The following SASH1 variants were observed in gnomAD, a reference collection of about 807,000 sequenced individuals.
The protein encoded by SASH1 is SAM and SH3 domain containing 1.
In SASH1, 44 loss-of-function variants were observed where a neutral mutation model predicts 125.2. The observed-to-expected ratio is 0.35, with a 90% CI of 0.28 to 0.45. The LOEUF is 0.45. Ranked by LOEUF, SASH1 falls within the 20% of genes least tolerant of loss-of-function variation. The pLI is 1.00. For missense variants in SASH1, 1,426 were observed against 1,614.5 expected (o/e 0.88, Z 2.00); for synonymous variants, 639 against 649.1 (o/e 0.98, Z 0.24).
the SASH1 span, among the ~76,000 whole-genome samples, chr6:148,201,556 C>T: frequency 6.6e-6 from 1 of 152,192 alleles, no homozygotes; most frequent in Non-Finnish European, 1.5e-5. Context: ...AATGCCGATA[C>T]TGCTGATCTC....
At chr6:148,216,540 T>C in the SASH1 span, among the ~76,000 whole-genome samples, 1 of 152,152 alleles carries the variant, frequency 6.6e-6, no homozygotes, top group Non-Finnish European at 1.5e-5. Context: ...TCAGGACATG[T>C]GGGTTCTAAC....
chr6:148,362,212 C>T (rs560105961), intron 1 of SASH1, among the ~76,000 whole-genome samples: 2 of 149,830 alleles, frequency 1.3e-5, no homozygotes, highest in Non-Finnish European at 3.0e-5. Flanking sequence ...CAGGCGTGAG[C>T]CACCGTGCCT....
the SASH1 span, among the ~76,000 whole-genome samples, chr6:148,214,506 G>A: frequency 1.3e-5 from 2 of 152,138 alleles, no homozygotes; most frequent in African/African-American, 4.8e-5. Context: ...GGAGCTTCAA[G>A]TATTAATTGA....
Position 148,343,212 on chromosome 6 carries a change from A to T in SASH1, c.145A>T (p.Met49Leu), listed in dbSNP as rs773218848. Reference sequence around the variant, plus strand: ...GTTCTCCCGACTCTGGACCGACGTGATGGGTATCCTGGTAAGTTACCTGGG... The same window carrying T: ...GTTCTCCCGACTCTGGACCGACGTGTTGGGTATCCTGGTAAGTTACCTGGG... ...EAFSRLWTDV[M>L]GILDGSLGNI... is the part of the protein sequence containing the mutation. Residue 49 changes from methionine (M) to leucine (L), a missense_variant, in exon 1 of 20, where the codon ATG (methionine) becomes TTG (leucine). Met to Leu is a conservative substitution (Grantham distance 15). This residue lies in a region of SASH1 where 567 missense variants were observed against 575.6 expected (regional missense o/e 0.99). Coordinates refer to ENST00000367467, the MANE Select transcript of SASH1 (RefSeq NM_015278.5). 1 of 1,590,490 alleles carries T rather than the reference A, an allele frequency of 6.3e-7. No homozygotes were observed. Among genetic ancestry groups the T allele is most frequent in the East Asian group, 2.3e-5 (1 of 44,028 alleles).
intron 2 of SASH1, among the ~76,000 whole-genome samples, chr6:148,430,998 C>T (rs190231278): frequency 6.6e-6 from 1 of 152,314 alleles, no homozygotes; most frequent in Non-Finnish European, 1.5e-5. Context: ...AAAGGTTACA[C>T]TACAGCAGGG....
the SASH1 span, among the ~76,000 whole-genome samples, chr6:148,216,648 A>G: frequency 1.3e-5 from 2 of 152,170 alleles, no homozygotes; most frequent in East Asian, 1.9e-4. Context: ...AGTGTCCCAC[A>G]GTGCAGGGAA....
intron 10 of SASH1, chr6:148,524,323 G>A (rs1439557162): frequency 5.3e-5 from 8 of 151,244 alleles, no homozygotes; most frequent in African/African-American, 1.7e-4. Context: ...ATTGAAGCCC[G>A]AATCTACAAT....
At chr6:148,507,117 C>T (rs12663264) in intron 8 of SASH1, among the ~76,000 whole-genome samples, 10,119 of 151,642 alleles carry the variant, frequency 0.067, 911 homozygotes, top group East Asian at 0.47. Flanking sequence ...TGAACCCTTG[C>T]AGGAGAAAGA....
chr6:148,427,470 C>G (rs980245788), intron 2 of SASH1, among the ~76,000 whole-genome samples: 2 of 152,212 alleles, frequency 1.3e-5, no homozygotes, highest in African/African-American at 4.8e-5. Context: ...TAACACAACA[C>G]TCACATCTTA....
chr6:148,397,314 C>G (rs1345369112), intron 2 of SASH1, among the ~76,000 whole-genome samples: 2 of 152,066 alleles, frequency 1.3e-5, no homozygotes, highest in Admixed American at 1.3e-4. Context: ...AACCCCATCT[C>G]TACTAAAAAT....
At chr6:148,446,422 A>G (rs1776798389) in intron 4 of SASH1, among the ~76,000 whole-genome samples, 1 of 151,990 alleles carries the variant, frequency 6.6e-6, no homozygotes, top group Non-Finnish European at 1.5e-5. Flanking sequence ...TTCTTTTCTT[A>G]AGGAAAGAGG....
Position 148,533,586 on chromosome 6 carries a change from T to A in SASH1, c.1735-185T>A, listed in dbSNP as rs1781652392. On this transcript the variant is annotated intron_variant, in intron 14 of 19. Coordinates refer to ENST00000367467, the MANE Select transcript of SASH1 (RefSeq NM_015278.5). This position sits in a 1 kb window ranked among gnomAD's most constrained non-coding sequence, Gnocchi z 6.2. ...GGAATTCCGTACAGTCAGAGACACCTGTCTGGCCTCTGCGGAGCTCACAGT... is the reference window on the plus strand; with the variant it reads ...GGAATTCCGTACAGTCAGAGACACCAGTCTGGCCTCTGCGGAGCTCACAGT... Among the ~76,000 whole-genome samples the A allele has an allele frequency of 6.6e-6, 1 of 152,140 alleles. No individual in the cohort carries two copies. The highest frequency in any genetic ancestry group is 1.5e-5 in the Non-Finnish European group (1 of 68,016).
At chr6:148,448,432 G>T (rs1452104708) in intron 4 of SASH1, among the ~76,000 whole-genome samples, 2 of 152,062 alleles carry the variant, frequency 1.3e-5, no homozygotes, top group African/African-American at 4.8e-5. Flanking sequence ...GAGGTCAGTG[G>T]CTTCATAGGA....
At chr6:148,287,504 G>T (rs1305273221) in intron 1 of SASH1, among the ~76,000 whole-genome samples, 1 of 152,116 alleles carries the variant, frequency 6.6e-6, no homozygotes, top group Non-Finnish European at 1.5e-5. Context: ...ATCCATCAGA[G>T]ATGGCAACTT....
intron 2 of SASH1, among the ~76,000 whole-genome samples, chr6:148,391,754 G>T (rs530204563): frequency 6.6e-6 from 1 of 152,136 alleles, no homozygotes; most frequent in African/African-American, 2.4e-5. Flanking sequence ...TCATAAAAGC[G>T]TCTGCATTTC....
At chr6:148,521,619 T>G (rs1052872105) in intron 10 of SASH1, among the ~76,000 whole-genome samples, 1 of 152,256 alleles carries the variant, frequency 6.6e-6, no homozygotes, top group Non-Finnish European at 1.5e-5. Context: ...GAACTTTTCT[T>G]CTGGCTCTTT....
rs756740212 is a variant in SASH1, at chr6:148,343,131, G to A, written c.64G>A (p.Glu22Lys). 1 of 1,596,518 alleles carries A rather than the reference G, an allele frequency of 6.3e-7. No homozygotes were observed. The highest frequency in any genetic ancestry group is 1.1e-5 in the South Asian group (1 of 90,620). The change falls in exon 1 of 20, where the codon GAG becomes AAG. Residue 22 changes from glutamate to lysine, a missense_variant. Physicochemically the swap from Glu to Lys is moderately conservative, Grantham distance 56. Transcript: ENST00000367467. Reference protein sequence around the residue: ...EPEPEPEPEPEPAPEPEPEPK... With the variant: ...EPEPEPEPEPKPAPEPEPEPK... ...TGAGCCCGAGCCCGAGCCGGAGCCC[G>A]AGCCCGCGCCGGAGCCGGAACCGGA...
intron 9 of SASH1, among the ~76,000 whole-genome samples, chr6:148,516,063 A>G (rs1780418945): frequency 6.6e-6 from 1 of 152,244 alleles, no homozygotes; most frequent in Non-Finnish European, 1.5e-5. Context: ...CAATCCAACT[A>G]TCTTTGAGAG....
At chr6:148,347,526 T>TC (rs1349968049) in intron 1 of SASH1, among the ~76,000 whole-genome samples, 1 of 152,128 alleles carries the variant, frequency 6.6e-6, no homozygotes, top group Admixed American at 6.5e-5. Context: ...ACAAAATGTC[T>TC]CCCTCTTTTC....
Sources: allele counts gnomAD v4.1 joint callset (sites outside exome capture counted in the v4.1 genomes callset), GRCh38; gene constraint gnomAD v4.1.1; regional missense constraint gnomAD v4.1.1; non-coding constraint Gnocchi (gnomAD v3.1); transcripts MANE v1.5; gene names NCBI Gene and HGNC (gene_info 2026-07-23, HGNC 2026-07-21).